MICAL1: variants seen among roughly 807,000 people sequenced by gnomAD.
MICAL1 encodes microtubule associated monooxygenase, calponin and LIM domain containing 1, also known as [F-actin]-monooxygenase MICAL1.
Under a neutral mutation model 131.8 loss-of-function variants are expected in MICAL1, and 95 were observed. The observed-to-expected ratio is 0.72, with a 90% CI of 0.61 to 0.86. The LOEUF is 0.86. Ranked by LOEUF, MICAL1 falls within the 40% of genes least tolerant of loss-of-function variation. MICAL1 has a pLI of 0.00. For missense variants in MICAL1, 1,292 were observed against 1,380.6 expected, an observed-to-expected ratio of 0.94 and a Z score of 1.02; for synonymous variants, 546 against 554.2, an observed-to-expected ratio of 0.99 and a Z score of 0.21.
chr6:109,458,192 G>C (rs1372771728), upstream of MICAL1, among the ~76,000 whole-genome samples: 3 of 151,674 alleles, frequency 2.0e-5, no homozygotes, highest in Admixed American at 6.6e-5. Flanking sequence ...TTAGAATCTT[G>C]AGTCATGATT....
At chr6:109,452,198 G>C in intron 6 of MICAL1, 48 bp downstream of exon 6, 1 of 1,576,574 alleles carries the variant, frequency 6.3e-7, no homozygotes, top group Non-Finnish European at 8.6e-7. Flanking sequence ...CAGGAGCCAG[G>C]CCACAGTCAG....
At chr6:109,445,040 C>T (rs1366015067) in intron 22 of MICAL1, 45 bp from the exon 23 acceptor site, 2 of 1,602,746 alleles carry the variant, frequency 1.2e-6, no homozygotes, top group Non-Finnish European at 1.7e-6. Flanking sequence ...GGCTTCCAGC[C>T]AGCACCACAG....
chr6:109,454,638 A>T (rs1038829767), intron 1 of MICAL1: 1 of 219,856 alleles, frequency 4.5e-6, no homozygotes, highest in Non-Finnish European at 9.2e-6. Context: ...CATGCAACAC[A>T]GGGACAGATC....
intron 13 of MICAL1, 48 bp from the exon 14 acceptor site, chr6:109,448,011 G>A (rs573690872): frequency 3.3e-6 from 5 of 1,536,776 alleles, no homozygotes; most frequent in Non-Finnish European, 4.4e-6. Context: ...TGCCAATACT[G>A]TACTCTCAGA....
intron 3 of MICAL1, 82 bp from the exon 4 acceptor site, chr6:109,453,449 A>G: frequency 6.5e-7 from 1 of 1,535,064 alleles, no homozygotes; most frequent in Non-Finnish European, 8.9e-7. Context: ...GGTCAGGGTC[A>G]GACTGGAAAA....
intron 22 of MICAL1, 41 bp downstream of exon 22, chr6:109,445,156 C>T: frequency 6.2e-7 from 1 of 1,607,610 alleles, no homozygotes; most frequent in Non-Finnish European, 8.5e-7. Flanking sequence ...GAGCTGAACA[C>T]AGTGCTAGAA....
chr6:109,462,875 TG>T (rs759176331), intron 1 of MICAL1: 1 of 152,232 alleles, frequency 6.6e-6, no homozygotes. Context: ...ATTTAAAAAA[TG>T]GTACACATTT....
chr6:109,447,695 T>A lies in MICAL1; in HGVS notation c.1972A>T (p.Lys658Ter). The A allele has an allele frequency of 6.2e-7, 1 of 1,614,034 alleles. No individual in the cohort carries two copies. The stretch of plus-strand genomic sequence containing the variant: ...CCTGCATTCACCTCCAAGCGCAGCT[T>A]CTTGCCACCAGCATCCTCTGCATTT... ...KENAEDAGGK[K>*]LRLEMEAETP... The change falls in exon 15 of 25, where the codon AAG becomes TAG. Residue 658 changes from lysine to a stop codon, truncating the protein, a stop_gained. Transcript: ENST00000358807. LOFTEE classifies it high-confidence loss of function.
upstream of MICAL1, among the ~76,000 whole-genome samples, chr6:109,457,176 C>A (rs1440788769): frequency 6.6e-6 from 1 of 152,172 alleles, no homozygotes; most frequent in Non-Finnish European, 1.5e-5. Flanking sequence ...GGGACGAAAG[C>A]AAGGGGAAAT....
rs761260749 is a variant in MICAL1, at chr6:109,453,626, C to A, written c.466+12G>T. ...GCTCACCCGCCCCTCCAGGCCACCA[C>A]GTGGTGCTCACTGATGTGGTCCAGG... On this transcript the variant is annotated intron_variant, in intron 3 of 24. Coordinates refer to ENST00000358807, the MANE Select transcript of MICAL1 (RefSeq NM_022765.4). 1.5e-5 allele frequency: 24 copies of A among 1,583,130 alleles called. No homozygotes were observed. The highest frequency in any genetic ancestry group is 2.1e-5 in the Non-Finnish European group (24 of 1,164,944).
chr6:109,453,368 C>G lies in MICAL1; in HGVS notation c.467-1G>C. On this transcript the variant is annotated splice_acceptor_variant, in intron 3 of 24. Coordinates refer to ENST00000358807, the MANE Select transcript of MICAL1 (RefSeq NM_022765.4). LOFTEE classifies it high-confidence loss of function. ...AGAAGCAGCTGGAGCTGCCTGATGCCTGGAAGGGAGAGGACATTAGGAACA... is the reference window on the plus strand; with the variant it reads ...AGAAGCAGCTGGAGCTGCCTGATGCGTGGAAGGGAGAGGACATTAGGAACA... The G allele has an allele frequency of 6.2e-7, 1 of 1,613,582 alleles. No individual in the cohort carries two copies. The highest frequency in any genetic ancestry group is 8.5e-7 in the Non-Finnish European group (1 of 1,179,812).
chr6:109,465,825 A>G (rs775002992), exon 1 of MICAL1: 4 of 1,614,068 alleles, frequency 2.5e-6, no homozygotes, highest in Middle Eastern at 1.6e-4. Flanking sequence ...GAAGAGCCCA[A>G]TCAAGCAGTC....
Position 109,449,409 on chromosome 6 carries a change from G to C in MICAL1, c.1507C>G (p.Pro503Ala), listed in dbSNP as rs200863369. 10 of 1,614,180 alleles carry C rather than the reference G, an allele frequency of 6.2e-6. No homozygotes were observed. The East Asian group carries it at 2.2e-4, about 36-fold the overall frequency. ...RNNDKTDTGM[P>A]ATGSAGTQEE... ...AGGAAGGCCTGCTCACCGGTGGCTG[G>C]CATCCCTGTATCTGTCTTGTCGTTG... The change falls in exon 11 of 25, where the codon CCA becomes GCA. Residue 503 changes from proline to alanine, a missense_variant. Pro to Ala is a conservative substitution (Grantham distance 27). Coordinates refer to ENST00000358807, the MANE Select transcript of MICAL1 (RefSeq NM_022765.4).
upstream of MICAL1, chr6:109,456,113 C>G (rs1775738539): frequency 1.4e-5 from 10 of 723,192 alleles, no homozygotes; most frequent in Non-Finnish European, 1.5e-5. Flanking sequence ...GCGCCCAGTG[C>G]TGGACCGCGC....
At chr6:109,459,826 T>C (rs1201046358), upstream of MICAL1, among the ~76,000 whole-genome samples, 4 of 152,208 alleles carry the variant, frequency 2.6e-5, no homozygotes, top group Non-Finnish European at 4.4e-5. Context: ...TAAAATTATC[T>C]TGACAGGTGG....
chr6:109,459,454 T>C (rs1026569921), upstream of MICAL1, among the ~76,000 whole-genome samples: 13 of 152,306 alleles, frequency 8.5e-5, no homozygotes, highest in African/African-American at 3.1e-4. Flanking sequence ...AACATGGCCA[T>C]GAATTGGGTG....
At chr6:109,454,536 C>A in intron 1 of MICAL1, 1 of 387,854 alleles carries the variant, frequency 2.6e-6, no homozygotes, top group Non-Finnish European at 4.7e-6. Context: ...TCTCCAAGCC[C>A]TGGGGTAGGA....
At chr6:109,452,029 A>G in intron 6 of MICAL1, 1 of 1,408,432 alleles carries the variant, frequency 7.1e-7, no homozygotes, top group Non-Finnish European at 9.2e-7. Flanking sequence ...ACACAGGTTC[A>G]TCTCTGAGAG....
In MICAL1 at chr6:109,446,271, A is replaced by C. The variant is rs2115325534; in HGVS notation, c.2446T>G (p.Leu816Val). The C allele has an allele frequency of 6.2e-7, 1 of 1,613,546 alleles. No homozygotes were observed. Among genetic ancestry groups the C allele is most frequent in the Non-Finnish European group, 8.5e-7 (1 of 1,179,826 alleles). The change falls in exon 19 of 25, where the codon TTG (leucine) becomes GTG (valine). Residue 816 changes from leucine (L) to valine (V), a missense_variant. Transcript: ENST00000358807. Reference sequence around the variant, plus strand: ...TCAGGGGTAAGGTTAAGGGAGGACAACCGCTGGCGCTCCGGGCTGGAGAGG... The same window carrying C: ...TCAGGGGTAAGGTTAAGGGAGGACACCCGCTGGCGCTCCGGGCTGGAGAGG... Reference protein sequence around the residue: ...IRLSSPERQRLSSLNLTPDPE... With the variant: ...IRLSSPERQRVSSLNLTPDPE...
Sources: allele counts gnomAD v4.1 joint callset (sites outside exome capture counted in the v4.1 genomes callset), GRCh38; gene constraint gnomAD v4.1.1; transcripts MANE v1.5; gene names NCBI Gene and HGNC (gene_info 2026-07-23, HGNC 2026-07-21).